The following PREX2 variants were observed in gnomAD, a reference collection of about 807,000 sequenced individuals.
The protein encoded by PREX2 is phosphatidylinositol-3,4,5-trisphosphate dependent Rac exchange factor 2.
A neutral mutation model predicts 203.2 loss-of-function variants in PREX2; 107 were observed. That is an observed-to-expected ratio of 0.53 (90% CI 0.45 to 0.62). The LOEUF is 0.62. Ranked by LOEUF, PREX2 falls within the 20% of genes least tolerant of loss-of-function variation. The pLI is 0.00. For synonymous variants in PREX2, 672 were observed against 663.6 expected, an observed-to-expected ratio of 1.01 and a Z score of -0.19; for missense variants, 1,777 against 1,955.9, an observed-to-expected ratio of 0.91 and a Z score of 1.72.
At chr8:67,961,884 A>G (rs1041872593) in intron 1 of PREX2, among the ~76,000 whole-genome samples, 1 of 152,182 alleles carries the variant, frequency 6.6e-6, no homozygotes, top group Non-Finnish European at 1.5e-5. Flanking sequence ...GTGTTTTGTT[A>G]TTAATGTGAA....
chr8:67,986,844 G>A (rs888042617), intron 1 of PREX2, among the ~76,000 whole-genome samples: 5 of 151,982 alleles, frequency 3.3e-5, no homozygotes, highest in African/African-American at 7.3e-5. Context: ...TGGAATTCAC[G>A]AAAACCAAAC....
At chr8:68,081,617 T>C (rs1306902572) in intron 17 of PREX2, among the ~76,000 whole-genome samples, 1 of 152,180 alleles carries the variant, frequency 6.6e-6, no homozygotes, top group African/African-American at 2.4e-5. Flanking sequence ...TGATAGTGTT[T>C]TATATGAGTA....
intron 33 of PREX2, among the ~76,000 whole-genome samples, chr8:68,145,465 C>G (rs1034213839): frequency 6.6e-6 from 1 of 151,990 alleles, no homozygotes; most frequent in Non-Finnish European, 1.5e-5. Flanking sequence ...TATTAAATGC[C>G]GATTACATTT....
rs141440989 is a variant in PREX2 at position 68,034,534 on chromosome 8, C to T, written c.706-3625C>T. Among the ~76,000 whole-genome samples, 1,245 of 151,928 alleles carry T rather than the reference C, an allele frequency of 8.2e-3. 7 individuals carry two copies. Among genetic ancestry groups the T allele is most frequent in the African/African-American group, 0.022 (927 of 41,420 alleles). ...CTCTCAAATATGGAAAACACTATTA[C>T]GATAAAAGATAAGAGAAGGAATTAT... On this transcript the variant is annotated intron_variant, in intron 6 of 39. Coordinates refer to ENST00000288368, the MANE Select transcript of PREX2 (RefSeq NM_024870.4).
chr8:68,079,202 G>T (rs1435605922), intron 15 of PREX2, among the ~76,000 whole-genome samples: 1 of 152,138 alleles, frequency 6.6e-6, no homozygotes, highest in African/African-American at 2.4e-5. Context: ...CACTTCTGTT[G>T]CTAATTATGG....
intron 37 of PREX2, among the ~76,000 whole-genome samples, chr8:68,207,785 A>G (rs558204271): frequency 6.6e-6 from 1 of 152,236 alleles, no homozygotes; most frequent in East Asian, 1.9e-4. Context: ...TAGCAAAGCC[A>G]GGGTCCAACT....
intron 37 of PREX2, among the ~76,000 whole-genome samples, chr8:68,205,733 A>G (rs982117837): frequency 6.6e-6 from 1 of 152,266 alleles, no homozygotes; most frequent in African/African-American, 2.4e-5. Context: ...AGTAATTAGA[A>G]GCCAGAATAA....
At chr8:68,162,777 C>G (rs909463508) in intron 35 of PREX2, among the ~76,000 whole-genome samples, 3 of 152,146 alleles carry the variant, frequency 2.0e-5, no homozygotes, top group African/African-American at 7.2e-5. Context: ...AGTTGGTGGT[C>G]TAGGCTCTGA....
At chr8:68,197,479 T>A (rs1051356921) in intron 37 of PREX2, among the ~76,000 whole-genome samples, 14 of 152,038 alleles carry the variant, frequency 9.2e-5, no homozygotes, top group Admixed American at 9.2e-4. Context: ...CCCAGCAATG[T>A]GGAACTGTGA....
At chr8:68,143,476 C>T (rs557232855) in intron 33 of PREX2, among the ~76,000 whole-genome samples, 9 of 152,244 alleles carry the variant, frequency 5.9e-5, no homozygotes, top group African/African-American at 2.2e-4. Flanking sequence ...AACCATGAAC[C>T]AATTAAACCT....
Position 68,080,542 on chromosome 8 carries a change from A to T in PREX2, c.1742A>T (p.His581Leu). The change falls in exon 16 of 40, where the codon CAT becomes CTT. Residue 581 changes from histidine to leucine, a missense_variant. By Grantham distance (99) the His-to-Leu change is moderately conservative. Coordinates refer to ENST00000288368, the MANE Select transcript of PREX2 (RefSeq NM_024870.4). The stretch of plus-strand genomic sequence containing the variant: ...AATATGAAACATCGACTTATGAAAC[A>T]TGACTTAAAAGTTGTGGAAAATGTT... ...GSNMKHRLMK[H>L]DLKVVENVIA... is the part of the protein sequence containing the mutation. 6.2e-7 allele frequency: 1 copy of T among 1,610,568 alleles called. No homozygotes were observed. Among genetic ancestry groups the T allele is most frequent in the Non-Finnish European group, 8.5e-7 (1 of 1,177,208 alleles).
chr8:67,989,403 T>C (rs1455641385), intron 1 of PREX2, among the ~76,000 whole-genome samples: 1 of 152,210 alleles, frequency 6.6e-6, no homozygotes, highest in African/African-American at 2.4e-5. Context: ...CAGATCTGGT[T>C]AAATGAAATA....
rs532458851 is a variant in PREX2 at position 68,235,522 on chromosome 8, T to A, written c.*4144T>A. The A allele has an allele frequency of 1.1e-4, 17 of 152,280 alleles. 1 individual carries two copies. In the South Asian group the frequency reaches 3.5e-3, roughly 32 times the overall value. The allele number at this position is 152,280 out of a possible 1,614,324, so 9.4% of individuals were successfully genotyped here. On this transcript the variant is annotated 3_prime_UTR_variant, in exon 40 of 40. Transcript: ENST00000288368. ...TAAGTACTAGGGCCAAGCTTTGAAA[T>A]GACTTAAAGTGATCTGAATTTTGAT... is the stretch of plus-strand genomic sequence containing the variant.
chr8:68,055,609 C>T (rs991681758), intron 9 of PREX2, among the ~76,000 whole-genome samples: 4 of 152,228 alleles, frequency 2.6e-5, no homozygotes, highest in African/African-American at 9.6e-5. Context: ...GCCTTTGGGG[C>T]ACAGTTTGCA....
At chr8:68,105,676 A>T in intron 23 of PREX2, 1 of 274,018 alleles carries the variant, frequency 3.6e-6, no homozygotes, top group Non-Finnish European at 4.0e-6. Context: ...CCATATATAT[A>T]TGGATTATAT....
chr8:68,104,123 C>T (rs1810343335), intron 23 of PREX2, among the ~76,000 whole-genome samples: 1 of 152,166 alleles, frequency 6.6e-6, no homozygotes, highest in Non-Finnish European at 1.5e-5. Flanking sequence ...CTTCACTTCC[C>T]TTTCTCTCAC....
rs1809406090 is a variant in PREX2 at position 68,078,233 on chromosome 8, T to G, written c.1642+764T>G. ...CAGGCTAGAGTGCAGTGGCATGATC[T>G]CAGCTCACCACAACCTTTGCCTCGT... On this transcript the variant is annotated intron_variant, in intron 15 of 39. Transcript: ENST00000288368. Among the ~76,000 whole-genome samples, 3 of 152,282 alleles carry G rather than the reference T, an allele frequency of 2.0e-5. No homozygotes were observed. The South Asian group carries it at 6.2e-4, about 32-fold the overall frequency.
At chr8:68,225,667 G>T (rs551768127) in intron 39 of PREX2, among the ~76,000 whole-genome samples, 1 of 152,292 alleles carries the variant, frequency 6.6e-6, no homozygotes, top group South Asian at 2.1e-4. Context: ...CCTGAAAATG[G>T]TTGGAGCACT....
At chr8:68,132,184 T>C (rs1333541352) in intron 31 of PREX2, among the ~76,000 whole-genome samples, 1 of 152,152 alleles carries the variant, frequency 6.6e-6, no homozygotes, top group African/African-American at 2.4e-5. Context: ...TGCCACTGAC[T>C]CTTTATTTTA....
Sources: gnomAD v4.1 joint callset for allele counts (sites outside exome capture counted in the v4.1 genomes callset) on GRCh38, gnomAD v4.1.1 for gene constraint, MANE v1.5 for transcripts, NCBI Gene and HGNC (gene_info 2026-07-23, HGNC 2026-07-21) for gene names.